The following LRRC7 variants were observed in gnomAD, a reference collection of about 807,000 sequenced individuals.
LRRC7 encodes the protein leucine-rich repeat-containing protein 7.
LRRC7 carries 23 observed loss-of-function variants against 175.7 expected under a neutral mutation model. That is an observed-to-expected ratio of 0.13 (90% confidence interval 0.09 to 0.19). LRRC7 has a LOEUF of 0.19. Among genes scored for constraint, LRRC7 ranks in the 10% least tolerant of loss-of-function variants. LRRC7 has a pLI of 1.00. For missense variants in LRRC7, 1,354 were observed against 1,904.7 expected, an observed-to-expected ratio of 0.71 and a Z score of 5.38; for synonymous variants, 685 against 680.9, an observed-to-expected ratio of 1.01 and a Z score of -0.09.
intron 11 of LRRC7, among the ~76,000 whole-genome samples, chr1:70,002,635 T>G (rs1655639434): frequency 6.6e-6 from 1 of 152,194 alleles, no homozygotes; most frequent in South Asian, 2.1e-4. Context: ...GCCTTGGAAC[T>G]AGACTTTGGT....
intron 24 of LRRC7, among the ~76,000 whole-genome samples, chr1:70,077,470 C>T (rs1376708920): frequency 1.3e-5 from 2 of 152,090 alleles, no homozygotes; most frequent in Admixed American, 1.3e-4. Context: ...CCAAAGGCAT[C>T]TTAGGAGGTT....
At chr1:69,852,324 G>A (rs540008380) in intron 7 of LRRC7, among the ~76,000 whole-genome samples, 2 of 152,242 alleles carry the variant, frequency 1.3e-5, no homozygotes, top group African/African-American at 4.8e-5. Context: ...TTACAATGTA[G>A]TATGGAAGGA....
intron 1 of LRRC7, among the ~76,000 whole-genome samples, chr1:69,649,758 T>C (rs758673007): frequency 1.3e-5 from 2 of 152,108 alleles, no homozygotes; most frequent in Non-Finnish European, 2.9e-5. Context: ...TTTTACGCAG[T>C]TCACAAACTG....
chr1:69,909,028 C>A (rs1242797204), intron 7 of LRRC7, among the ~76,000 whole-genome samples: 1 of 151,558 alleles, frequency 6.6e-6, no homozygotes, highest in East Asian at 1.9e-4. Context: ...TATGTAATGG[C>A]CTTCTTTGTC....
Position 69,796,129 on chromosome 1 carries a change from C to A in LRRC7, c.421+3969C>A, listed in dbSNP as rs1461664657. The stretch of plus-strand genomic sequence containing the variant: ...CTCCCCCCTCCCCCCTCCCCCCACC[C>A]CTCAACAGTCCCTGGTGTGTGATGT... On this transcript the variant is annotated intron_variant, in intron 4 of 26. Transcript: ENST00000651989. Among the ~76,000 whole-genome samples the A allele has an allele frequency of 5.1e-5, 6 of 118,702 alleles. No individual in the cohort carries two copies. The East Asian group carries it at 1.9e-3, about 37-fold the overall frequency. The allele number at this position is 118,702 out of a possible 152,430, so 77.9% of individuals were successfully genotyped here. A position where few individuals can be genotyped will look rare whatever the true frequency, so the allele number is the denominator to read the frequency against.
chr1:69,849,599 A>G (rs1451060881), intron 7 of LRRC7, among the ~76,000 whole-genome samples: 1 of 152,028 alleles, frequency 6.6e-6, no homozygotes, highest in Non-Finnish European at 1.5e-5. Flanking sequence ...TAAAAGGAAC[A>G]TCTAATACCT....
intron 7 of LRRC7, among the ~76,000 whole-genome samples, chr1:69,892,875 T>C (rs1434341422): frequency 6.6e-6 from 1 of 152,208 alleles, no homozygotes; most frequent in African/African-American, 2.4e-5. Flanking sequence ...CTTGACTGTT[T>C]TGCCTACAGA....
chr1:69,887,618 C>T (rs1257420898), intron 7 of LRRC7, among the ~76,000 whole-genome samples: 7 of 152,200 alleles, frequency 4.6e-5, no homozygotes, highest in Non-Finnish European at 8.8e-5. Flanking sequence ...TCTCTCAGCT[C>T]GCCAAAGTCA....
At chr1:69,584,603 C>A (rs1028892957) in intron 1 of LRRC7, among the ~76,000 whole-genome samples, 1 of 152,050 alleles carries the variant, frequency 6.6e-6, no homozygotes, top group Non-Finnish European at 1.5e-5. Flanking sequence ...TTAGGAAAAG[C>A]AATCTAACAC....
At chr1:69,812,841 G>C (rs1260447545) in intron 4 of LRRC7, among the ~76,000 whole-genome samples, 1 of 152,024 alleles carries the variant, frequency 6.6e-6, no homozygotes, top group African/African-American at 2.4e-5. Context: ...TTCAAAATTT[G>C]GTATTTGTTA....
Position 70,123,455 on chromosome 1 carries a change from T to C in LRRC7, c.*1568T>C, listed in dbSNP as rs1300164889. 3 of 152,172 alleles carry C rather than the reference T, an allele frequency of 2.0e-5. No individual in the cohort carries two copies. Among genetic ancestry groups the C allele is most frequent in the Non-Finnish European group, 1.5e-5 (1 of 68,012 alleles). 9.4% of individuals were successfully genotyped at this position (152,172 alleles called of 1,614,324 possible). Reference sequence around the variant, plus strand: ...GGACATTGAAAATATTGTATTTTTGTAGGGTCTATTAAAATGAGTGTCACT... The same window carrying C: ...GGACATTGAAAATATTGTATTTTTGCAGGGTCTATTAAAATGAGTGTCACT... On this transcript the variant is annotated 3_prime_UTR_variant, in exon 27 of 27. Coordinates refer to ENST00000651989, the MANE Select transcript of LRRC7 (RefSeq NM_001370785.2).
intron 24 of LRRC7, among the ~76,000 whole-genome samples, chr1:70,086,743 AT>A (rs1258999435): frequency 6.6e-6 from 1 of 152,204 alleles, no homozygotes; most frequent in Non-Finnish European, 1.5e-5. Flanking sequence ...TCTCAAAAAA[AT>A]AAAAAATAAA....
Position 70,129,131 on chromosome 1 carries a change from T to C in LRRC7, c.*7244T>C, listed in dbSNP as rs1311526380. The stretch of plus-strand genomic sequence containing the variant: ...GCATTGTGGCGCGCACCTGTAATCC[T>C]AGTTACTGGGGAGGCTGAGGCAGGA... On this transcript the variant is annotated 3_prime_UTR_variant, in exon 27 of 27. Transcript: ENST00000651989. Among the ~76,000 whole-genome samples, 2 of 151,550 alleles carry C rather than the reference T, an allele frequency of 1.3e-5. No individual in the cohort carries two copies. Among genetic ancestry groups the C allele is most frequent in the African/African-American group, 4.9e-5 (2 of 41,182 alleles).
intron 2 of LRRC7, among the ~76,000 whole-genome samples, chr1:69,724,776 A>AT (rs1014751691): frequency 6.6e-6 from 1 of 152,174 alleles, no homozygotes; most frequent in African/African-American, 2.4e-5. Context: ...AAATTATACA[A>AT]TTTTGTGGTT....
At chr1:69,826,702 A>C (rs548873109) in intron 5 of LRRC7, among the ~76,000 whole-genome samples, 1 of 152,292 alleles carries the variant, frequency 6.6e-6, no homozygotes, top group South Asian at 2.1e-4. Context: ...TTTGAGAAAA[A>C]TTCCTCGATC....
chr1:70,097,708 G>C (rs947929414), intron 25 of LRRC7, among the ~76,000 whole-genome samples: 2 of 150,200 alleles, frequency 1.3e-5, no homozygotes, highest in Non-Finnish European at 3.0e-5. Flanking sequence ...GAGAATATGC[G>C]GTGTTTGGTT....
rs1368189708 is a variant in LRRC7, at chr1:70,142,718, A to ATAAC, written c.*20833_*20836dup. ...AATACAGTTTTATTTTTTCCACTTTATAACTGCCCAAGGGCTCCCCCAACC... is the reference window on the plus strand; with the variant it reads ...AATACAGTTTTATTTTTTCCACTTTATAACTAACTGCCCAAGGGCTCCCCCAACC... On this transcript the variant is annotated 3_prime_UTR_variant, in exon 27 of 27. Coordinates refer to ENST00000651989, the MANE Select transcript of LRRC7 (RefSeq NM_001370785.2). 1 of 151,982 alleles carries ATAAC rather than the reference A, an allele frequency of 6.6e-6. No homozygotes were observed. Among genetic ancestry groups the ATAAC allele is most frequent in the Non-Finnish European group, 1.5e-5 (1 of 67,980 alleles). The allele number at this position is 151,982 out of a possible 1,614,324, so 9.4% of individuals were successfully genotyped here. A position where few individuals can be genotyped will look rare whatever the true frequency, so the allele number is the denominator to read the frequency against.
chr1:69,782,080 A>G (rs1673828510), intron 3 of LRRC7, among the ~76,000 whole-genome samples: 1 of 152,182 alleles, frequency 6.6e-6, no homozygotes, highest in Admixed American at 6.5e-5. Flanking sequence ...TTTCTCATCT[A>G]CAAAATAAGG....
In LRRC7 at chr1:69,895,853, C is replaced by T. The variant is rs182342649; in HGVS notation, c.648-35654C>T. Among the ~76,000 whole-genome samples the T allele has an allele frequency of 2.0e-4, 30 of 152,200 alleles. No homozygotes were observed. In the East Asian group the frequency reaches 5.2e-3, roughly 26 times the overall value. On this transcript the variant is annotated intron_variant, in intron 7 of 26. Coordinates refer to ENST00000651989, the MANE Select transcript of LRRC7 (RefSeq NM_001370785.2). ...CTAGTGGTGAATATTTGTGTTGCTTCCTTTCAGATTTGGGCGATTGCAAAT... is the reference window on the plus strand; with the variant it reads ...CTAGTGGTGAATATTTGTGTTGCTTTCTTTCAGATTTGGGCGATTGCAAAT...
Sources: gnomAD v4.1 joint callset for allele counts (sites outside exome capture counted in the v4.1 genomes callset) on GRCh38, gnomAD v4.1.1 for gene constraint, MANE v1.5 for transcripts, NCBI Gene and HGNC (gene_info 2026-07-23, HGNC 2026-07-21) for gene names.